Variants in ATP2B2 observed in about 807,000 individuals in gnomAD.
ATP2B2 encodes ATPase plasma membrane Ca2+ transporting 2.
ATP2B2 carries 15 observed loss-of-function variants against 120.0 expected under a neutral mutation model. The ratio of observed to expected loss-of-function variants is 0.12; its 90% CI spans 0.08 to 0.19. The LOEUF (loss-of-function observed/expected upper bound fraction) is 0.19, where lower values mean the gene tolerates loss of function less well. Among genes scored for constraint, ATP2B2 ranks in the 10% least tolerant of loss-of-function variants. The pLI is 1.00. For synonymous variants in ATP2B2, 694 were observed against 700.3 expected (o/e 0.99, Z 0.14); for missense variants, 1,045 against 1,719.8 (o/e 0.61, Z 6.94).
At chr3:10,472,163 A>C (rs2065039971) in intron 1 of ATP2B2, among the ~76,000 whole-genome samples, 1 of 147,660 alleles carries the variant, frequency 6.8e-6, no homozygotes, top group Admixed American at 6.7e-5. Context: ...AGGAAGACAC[A>C]GAGGAACTGA....
intron 1 of ATP2B2, among the ~76,000 whole-genome samples, chr3:10,467,373 C>T (rs1302253155): frequency 1.3e-5 from 2 of 152,230 alleles, no homozygotes; most frequent in Non-Finnish European, 2.9e-5. Flanking sequence ...GAGAGCCCCG[C>T]TCCAGGGGCC....
chr3:10,698,087 C>A (rs577727090), intron 1 of ATP2B2, among the ~76,000 whole-genome samples: 1 of 152,358 alleles, frequency 6.6e-6, no homozygotes, highest in East Asian at 1.9e-4. Context: ...GTGCTCTCAA[C>A]TGACTCAGAG....
At chr3:10,660,921 T>C (rs553810884) in intron 1 of ATP2B2, among the ~76,000 whole-genome samples, 1 of 152,368 alleles carries the variant, frequency 6.6e-6, no homozygotes, top group Admixed American at 6.5e-5. Flanking sequence ...GCTTCATTCC[T>C]GGGATGCAAG....
intron 2 of ATP2B2, among the ~76,000 whole-genome samples, chr3:10,413,835 G>A (rs891268937): frequency 1.3e-5 from 2 of 152,216 alleles, no homozygotes; most frequent in Non-Finnish European, 2.9e-5. Flanking sequence ...GTGTGAATGA[G>A]TTTCATTCAG....
At chr3:10,700,721 A>G (rs2071804262) in intron 1 of ATP2B2, among the ~76,000 whole-genome samples, 1 of 152,262 alleles carries the variant, frequency 6.6e-6, no homozygotes, top group African/African-American at 2.4e-5. Flanking sequence ...TCAGTAACAA[A>G]CATGACCAGT....
intron 1 of ATP2B2, among the ~76,000 whole-genome samples, chr3:10,649,527 C>T (rs1249347479): frequency 1.3e-5 from 2 of 152,220 alleles, no homozygotes; most frequent in African/African-American, 4.8e-5. Context: ...GCTGTTCCCT[C>T]AGATGGAGCA....
intron 13 of ATP2B2, among the ~76,000 whole-genome samples, 161 bp from the exon 14 acceptor site, chr3:10,359,086 G>A (rs2060822308): frequency 6.6e-6 from 1 of 152,150 alleles, no homozygotes; most frequent in African/African-American, 2.4e-5. Context: ...CATTCGTCCT[G>A]CAATTTTTGC....
intron 1 of ATP2B2, among the ~76,000 whole-genome samples, chr3:10,670,289 C>T (rs1282652164): frequency 1.3e-5 from 2 of 152,106 alleles, no homozygotes; most frequent in Non-Finnish European, 2.9e-5. Context: ...AGATAATGAC[C>T]AAGATGGTAG....
At chr3:10,667,546 G>A (rs1249740559) in intron 1 of ATP2B2, among the ~76,000 whole-genome samples, 2 of 152,210 alleles carry the variant, frequency 1.3e-5, no homozygotes, top group East Asian at 1.9e-4. Flanking sequence ...GAAGTGCCAC[G>A]CCATCAGAAT....
At chr3:10,518,794 G>A (rs1479815689) in intron 3 of ATP2B2, among the ~76,000 whole-genome samples, 2 of 152,206 alleles carry the variant, frequency 1.3e-5, no homozygotes, top group Admixed American at 6.5e-5. Flanking sequence ...CGCTTTCACC[G>A]GCAGGTGCTG....
chr3:10,357,349 C>T (rs1035779680), intron 14 of ATP2B2, among the ~76,000 whole-genome samples: 2 of 152,072 alleles, frequency 1.3e-5, no homozygotes, highest in East Asian at 1.9e-4. Context: ...CCAGCTGTGC[C>T]GGCACTCAGG....
At chr3:10,646,322 T>C (rs1310779598) in intron 1 of ATP2B2, among the ~76,000 whole-genome samples, 1 of 152,106 alleles carries the variant, frequency 6.6e-6, no homozygotes, top group African/African-American at 2.4e-5. Context: ...CCCCAAATTC[T>C]CCTTGCCTGG....
Position 10,471,400 on chromosome 3 carries a change from TTGTGTGCGTGCAC to T in ATP2B2, c.-319-21551_-319-21539del, listed in dbSNP as rs2064996007. On this transcript the variant is annotated intron_variant, in intron 1 of 22. Transcript: ENST00000360273. ...TGTGTGTGTGTGTGTGTGTGTGTGT[TTGTGTGCGTGCAC>T]GTGTGCGTGCGTGTGCATGTGCAGA... is the stretch of plus-strand genomic sequence containing the variant. 2.2e-4 allele frequency among the ~76,000 whole-genome samples: 24 copies of T among 108,010 alleles called. 3 individuals carry two copies. In the South Asian group the frequency reaches 5.3e-3, roughly 24 times the overall value. 70.9% of individuals were successfully genotyped at this position (108,010 alleles called of 152,430 possible).
At chr3:10,451,827 C>A (rs868423270) in intron 1 of ATP2B2, among the ~76,000 whole-genome samples, 19 of 152,136 alleles carry the variant, frequency 1.2e-4, no homozygotes, top group Admixed American at 5.9e-4. Context: ...ATGTATTCCT[C>A]GGAGAAGCAG....
intron 1 of ATP2B2, among the ~76,000 whole-genome samples, chr3:10,467,736 G>A (rs1036015228): frequency 2.6e-5 from 4 of 152,200 alleles, no homozygotes; most frequent in Non-Finnish European, 4.4e-5. Flanking sequence ...CGGAGGAAAC[G>A]AGGTAACATT....
intron 1 of ATP2B2, among the ~76,000 whole-genome samples, chr3:10,676,347 CTG>C (rs2125697488): frequency 1.3e-5 from 2 of 152,282 alleles, no homozygotes; most frequent in South Asian, 4.1e-4. Context: ...TTGAGGAACT[CTG>C]TGGCCACCCA....
intron 1 of ATP2B2, among the ~76,000 whole-genome samples, chr3:10,499,319 G>T (rs1267594834): frequency 6.6e-6 from 1 of 152,188 alleles, no homozygotes; most frequent in Non-Finnish European, 1.5e-5. Context: ...CTTGGATCCT[G>T]TTTGCCTCAC....
At chr3:10,412,177 C>T (rs2062633166) in intron 2 of ATP2B2, among the ~76,000 whole-genome samples, 1 of 152,250 alleles carries the variant, frequency 6.6e-6, no homozygotes, top group African/African-American at 2.4e-5. Context: ...TGCTCTGGCA[C>T]TGGCCACTGT....
chr3:10,363,966 T>C (rs1217874822), intron 12 of ATP2B2, among the ~76,000 whole-genome samples: 1 of 152,192 alleles, frequency 6.6e-6, no homozygotes, highest in African/African-American at 2.4e-5. Flanking sequence ...AGTCTAAGAG[T>C]TGGACACAAC....
Sources: allele counts gnomAD v4.1 joint callset (sites outside exome capture counted in the v4.1 genomes callset), GRCh38; gene constraint gnomAD v4.1.1; transcripts MANE v1.5; gene names NCBI Gene and HGNC (gene_info 2026-07-23, HGNC 2026-07-21).